SLC8B1: variants seen among roughly 807,000 people sequenced by gnomAD.
SLC8B1 encodes solute carrier family 8 member B1.
A neutral mutation model predicts 63.4 loss-of-function variants in SLC8B1; 52 were observed. That is an observed-to-expected ratio of 0.82 (90% confidence interval 0.66 to 1.03). The LOEUF is 1.03. Among genes scored for constraint, SLC8B1 ranks in the 50% least tolerant of loss-of-function variants. The pLI, the probability that SLC8B1 is intolerant of heterozygous loss-of-function variation, is 0.00. For synonymous variants in SLC8B1, 336 were observed against 323.9 expected (o/e 1.04, Z -0.40); for missense variants, 657 against 741.7 (o/e 0.89, Z 1.33).
At chr12:113,300,060 A>C in intron 15 of SLC8B1, 86 bp from the exon 16 acceptor site, 5 of 1,202,690 alleles carry the variant, frequency 4.2e-6, no homozygotes, top group Non-Finnish European at 4.8e-6. Context: ...ATGCAGCCTC[A>C]ACAACAATGC....
intron 12 of SLC8B1, chr12:113,308,522 AC>A (rs1238826174): frequency 6.6e-6 from 1 of 151,728 alleles, no homozygotes; most frequent in Admixed American, 6.6e-5. Context: ...CCCTAGCCCC[AC>A]CCCACCAGCC....
intron 11 of SLC8B1, among the ~76,000 whole-genome samples, chr12:113,311,879 T>A (rs1956767220): frequency 6.6e-6 from 1 of 151,818 alleles, no homozygotes; most frequent in African/African-American, 2.4e-5. Flanking sequence ...CCTGAGATAA[T>A]TTTGCCAGCA....
intron 13 of SLC8B1, 41 bp downstream of exon 13, chr12:113,307,650 C>T: frequency 1.3e-6 from 2 of 1,594,574 alleles, no homozygotes; most frequent in Non-Finnish European, 1.7e-6. Context: ...TAAGATGTGG[C>T]CGCACTCACC....
At chr12:113,303,138 C>T (rs1956619840) in intron 15 of SLC8B1, among the ~76,000 whole-genome samples, 2 of 148,740 alleles carry the variant, frequency 1.3e-5, no homozygotes, top group South Asian at 4.2e-4. Flanking sequence ...CACACACACA[C>T]ACACGCGCGC....
intron 2 of SLC8B1, among the ~76,000 whole-genome samples, chr12:113,327,549 G>C (rs530060010): frequency 6.6e-6 from 1 of 151,878 alleles, no homozygotes; most frequent in South Asian, 2.1e-4. Context: ...GCCAGGCACG[G>C]TGGCGTGTGC....
At chr12:113,329,412 T>G (rs1957032379) in intron 2 of SLC8B1, among the ~76,000 whole-genome samples, 1 of 152,156 alleles carries the variant, frequency 6.6e-6, no homozygotes, top group African/African-American at 2.4e-5. Context: ...CTCCCTGTCC[T>G]CGGGGTCAGC....
rs372203323 is a variant in SLC8B1, at chr12:113,315,343, G to C, written c.1127C>G (p.Ser376Trp). ...SPLVVVLTLQSGTYGVYEIGG... is the reference protein window; with the variant it reads ...SPLVVVLTLQWGTYGVYEIGG... Reference sequence around the variant, plus strand: ...GGGTAGGGGATACTCACAGGTCCCCGACTGCAGGGTCAGGACCACAACCAG... The same window carrying C: ...GGGTAGGGGATACTCACAGGTCCCCCACTGCAGGGTCAGGACCACAACCAG... The change falls in exon 11 of 16, where the codon TCG becomes TGG. Residue 376 changes from serine to tryptophan, a missense_variant. Physicochemically the swap from Ser to Trp is radical, Grantham distance 177. Coordinates refer to ENST00000680972, the MANE Select transcript of SLC8B1 (RefSeq NM_001358345.2). 4 of 1,540,920 alleles carry C rather than the reference G, an allele frequency of 2.6e-6. No homozygotes were observed. In the Admixed American group the frequency reaches 8.1e-5, roughly 31 times the overall value.
intron 11 of SLC8B1, among the ~76,000 whole-genome samples, chr12:113,313,881 G>A (rs893453863): frequency 3.3e-5 from 5 of 152,070 alleles, no homozygotes; most frequent in Middle Eastern, 3.2e-3. Context: ...ATGGTGGCAG[G>A]TGCCTGTAAT....
rs1369619800 is a variant in SLC8B1 at position 113,299,153 on chromosome 12, A to G, written c.*624T>C. Reference sequence around the variant, plus strand: ...TCGGGCTGGCATCGTTTTGGAAGCAAGTGGGTTCAGTGAAGTGTGTTGCCA... The same window carrying G: ...TCGGGCTGGCATCGTTTTGGAAGCAGGTGGGTTCAGTGAAGTGTGTTGCCA... On this transcript the variant is annotated 3_prime_UTR_variant, in exon 16 of 16. Coordinates refer to ENST00000680972, the MANE Select transcript of SLC8B1 (RefSeq NM_001358345.2). 6.5e-6 allele frequency: 1 copy of G among 153,412 alleles called. No homozygotes were observed. Among genetic ancestry groups the G allele is most frequent in the African/African-American group, 2.4e-5 (1 of 41,456 alleles). The allele number at this position is 153,412 out of a possible 1,614,324, so 9.5% of individuals were successfully genotyped here.
At position 113,305,624 on chromosome 12, in the gene SLC8B1, C is replaced by T. The variant is rs1325657120; in HGVS notation, c.1492+871G>A. Among the ~76,000 whole-genome samples, 1 of 152,240 alleles carries T rather than the reference C, an allele frequency of 6.6e-6. No homozygotes were observed. Among genetic ancestry groups the T allele is most frequent in the Non-Finnish European group, 1.5e-5 (1 of 68,038 alleles). The stretch of plus-strand genomic sequence containing the variant: ...ACATCAGCCCTCCGGCCAAATTTGG[C>T]CCACTAACTGCTTTTATAAATAAAG... On this transcript the variant is annotated intron_variant, in intron 14 of 15. Transcript: ENST00000680972. The surrounding 1 kb of genome is among the most constrained non-coding windows in gnomAD (Gnocchi z 4.3).
intron 12 of SLC8B1, chr12:113,308,076 T>C: frequency 2.2e-6 from 1 of 456,558 alleles, no homozygotes. Context: ...CCGGGCACGG[T>C]GGCTCACCGC....
Position 113,320,759 on chromosome 12 carries a change from C to T in SLC8B1, c.421-73G>A. 6.3e-7 allele frequency: 1 copy of T among 1,578,352 alleles called. No individual in the cohort carries two copies. Among genetic ancestry groups the T allele is most frequent in the Non-Finnish European group, 8.6e-7 (1 of 1,161,360 alleles). On this transcript the variant is annotated intron_variant, in intron 5 of 15. Transcript: ENST00000680972. The surrounding 1 kb of genome is among the most constrained non-coding windows in gnomAD (Gnocchi z 5.3). ...CCAGGCCTTCGACCCTATCCCCCAG[C>T]TTCCCCACACGGGGATAGACATGAC... is the stretch of plus-strand genomic sequence containing the variant.
chr12:113,330,318 G>C (rs1957041398), intron 2 of SLC8B1, among the ~76,000 whole-genome samples: 1 of 152,244 alleles, frequency 6.6e-6, no homozygotes, highest in Non-Finnish European at 1.5e-5. Context: ...CCAGCCTGCA[G>C]GCTCCCTGGA....
At position 113,332,899 on chromosome 12, in the gene SLC8B1, C is replaced by T. The variant is rs1301086477; in HGVS notation, c.-21G>A. ...GCCATCTGCCCCCACGGGGCCTGGC[C>T]CTTACTCTCCACTTCCCTTTCTGCA... On this transcript the variant is annotated 5_prime_UTR_variant, in exon 2 of 16. Transcript: ENST00000680972. 2.2e-5 allele frequency: 35 copies of T among 1,611,506 alleles called. No homozygotes were observed. Among genetic ancestry groups the T allele is most frequent in the Non-Finnish European group, 3.0e-5 (35 of 1,179,284 alleles).
intron 11 of SLC8B1, among the ~76,000 whole-genome samples, chr12:113,313,722 G>C (rs1237922679): frequency 2.0e-5 from 3 of 152,178 alleles, no homozygotes; most frequent in African/African-American, 7.2e-5. Flanking sequence ...GTGGGTGACA[G>C]AGTGAGAGTC....
Position 113,318,880 on chromosome 12 carries a change from C to T in SLC8B1, c.802+84G>A, listed in dbSNP as rs1430793404. On this transcript the variant is annotated intron_variant, in intron 8 of 15. Coordinates refer to ENST00000680972, the MANE Select transcript of SLC8B1 (RefSeq NM_001358345.2). Reference sequence around the variant, plus strand: ...AGATGAGCTTGGTGGGGACAATGGCCTCAGGAGACCCTGGGCAGCACTGAA... The same window carrying T: ...AGATGAGCTTGGTGGGGACAATGGCTTCAGGAGACCCTGGGCAGCACTGAA... 6 of 1,063,628 alleles carry T rather than the reference C, an allele frequency of 5.6e-6. No individual in the cohort carries two copies. In the East Asian group the frequency reaches 1.2e-4, roughly 22 times the overall value. 65.9% of individuals were successfully genotyped at this position (1,063,628 alleles called of 1,614,324 possible).
chr12:113,333,858 A>G (rs1325269880), intron 1 of SLC8B1, among the ~76,000 whole-genome samples: 7 of 152,110 alleles, frequency 4.6e-5, no homozygotes, highest in Admixed American at 2.6e-4. Flanking sequence ...ACAGGCACAC[A>G]CCACCATGCC....
chr12:113,317,062 G>C lies in SLC8B1; in HGVS notation c.803-61C>G. On this transcript the variant is annotated intron_variant, in intron 8 of 15. Coordinates refer to ENST00000680972, the MANE Select transcript of SLC8B1 (RefSeq NM_001358345.2). Reference sequence around the variant, plus strand: ...GACCATTTTCGAGGGGGCACACTGGGACAGAGCAGGTTTAGGGGTGCAAGT... The same window carrying C: ...GACCATTTTCGAGGGGGCACACTGGCACAGAGCAGGTTTAGGGGTGCAAGT... 5 of 1,465,318 alleles carry C rather than the reference G, an allele frequency of 3.4e-6. 1 individual carries two copies. In the South Asian group the frequency reaches 4.7e-5, roughly 14 times the overall value. The allele number at this position is 1,465,318 out of a possible 1,614,324, so 90.8% of individuals were successfully genotyped here.
intron 15 of SLC8B1, among the ~76,000 whole-genome samples, chr12:113,303,363 G>GC (rs1209723309): frequency 6.6e-6 from 1 of 152,144 alleles, no homozygotes. Context: ...GAAACACCCT[G>GC]CCCCCGGCTA....
Sources: allele counts gnomAD v4.1 joint callset (sites outside exome capture counted in the v4.1 genomes callset), GRCh38; gene constraint gnomAD v4.1.1; non-coding constraint Gnocchi (gnomAD v3.1); transcripts MANE v1.5; gene names NCBI Gene and HGNC (gene_info 2026-07-23, HGNC 2026-07-21).